ANXA10: variants seen among roughly 807,000 people sequenced by gnomAD.
ANXA10 encodes annexin A10.
In ANXA10, 49 loss-of-function variants were observed where a neutral mutation model predicts 53.5. The ratio of observed to expected loss-of-function variants is 0.92; its 90% confidence interval spans 0.73 to 1.16. ANXA10 has a LOEUF of 1.16. ANXA10 is among the 50% of genes most tolerant of loss of function. The pLI, the probability that ANXA10 is intolerant of heterozygous loss-of-function variation, is 0.00. For synonymous variants in ANXA10, 131 were observed against 128.9 expected (o/e 1.02, Z -0.11); for missense variants, 393 against 394.4 (o/e 1.00, Z 0.03).
At chr4:168,182,617 G>A (rs1732275784) in intron 10 of ANXA10, among the ~76,000 whole-genome samples, 2 of 150,348 alleles carry the variant, frequency 1.3e-5, no homozygotes, top group South Asian at 2.1e-4. Flanking sequence ...ACAGGCGTGA[G>A]CCACCGCGCC....
At chr4:168,119,993 C>T (rs1730958986) in intron 1 of ANXA10, among the ~76,000 whole-genome samples, 1 of 151,920 alleles carries the variant, frequency 6.6e-6, no homozygotes, top group Admixed American at 6.6e-5. Flanking sequence ...TTTTCATTTA[C>T]AAAACGGGGA....
intron 2 of ANXA10, among the ~76,000 whole-genome samples, chr4:168,137,892 A>G (rs912124268): frequency 6.6e-6 from 1 of 151,662 alleles, no homozygotes; most frequent in Non-Finnish European, 1.5e-5. Context: ...ATACTAATTT[A>G]CATTTCCACC....
At chr4:168,176,467 T>C (rs1056124098) in intron 6 of ANXA10, among the ~76,000 whole-genome samples, 1 of 152,276 alleles carries the variant, frequency 6.6e-6, no homozygotes, top group South Asian at 2.1e-4. Flanking sequence ...GTCTATCCTG[T>C]AGCCCTTGGC....
chr4:168,167,551 T>G (rs1400632661), intron 6 of ANXA10, among the ~76,000 whole-genome samples: 1 of 152,198 alleles, frequency 6.6e-6, no homozygotes, highest in African/African-American at 2.4e-5. Flanking sequence ...TTGTACCACT[T>G]TCATAGCAGC....
At chr4:168,178,293 G>A in intron 8 of ANXA10, 1 of 312,110 alleles carries the variant, frequency 3.2e-6, no homozygotes, top group Non-Finnish European at 6.1e-6. Context: ...ATGTTGTCTT[G>A]CAAAATGCAT....
intron 1 of ANXA10, among the ~76,000 whole-genome samples, chr4:168,117,049 A>G (rs1730906107): frequency 6.6e-6 from 1 of 151,582 alleles, no homozygotes; most frequent in Admixed American, 6.6e-5. Context: ...TCTGTATCTC[A>G]TTAGTCTTAG....
intron 6 of ANXA10, among the ~76,000 whole-genome samples, chr4:168,167,809 G>C (rs780438870): frequency 7.2e-5 from 11 of 151,786 alleles, no homozygotes; most frequent in Admixed American, 6.6e-4. Context: ...TTATTTTCAC[G>C]ACTCAAAAAC....
At chr4:168,099,830 T>C (rs1454546555) in intron 1 of ANXA10, among the ~76,000 whole-genome samples, 6 of 152,154 alleles carry the variant, frequency 3.9e-5, no homozygotes, top group Non-Finnish European at 8.8e-5. Context: ...AATGTTATTT[T>C]AGTCATTTGG....
At chr4:168,153,742 G>A (rs988624234) in intron 3 of ANXA10, among the ~76,000 whole-genome samples, 3 of 152,086 alleles carry the variant, frequency 2.0e-5, no homozygotes, top group East Asian at 1.9e-4. Context: ...TCAACTCTGC[G>A]AGGCAGATGC....
At chr4:168,115,497 GCACACACACACACACACA>G (rs67627035) in intron 1 of ANXA10, among the ~76,000 whole-genome samples, 26 of 136,528 alleles carry the variant, frequency 1.9e-4, no homozygotes, top group African/African-American at 6.0e-4. Context: ...CAATACACAC[GCACACACACACACACACA>G]CACACACACA....
At chr4:168,178,137 C>T in intron 8 of ANXA10, 154 bp downstream of exon 8, 2 of 642,916 alleles carry the variant, frequency 3.1e-6, no homozygotes, top group Non-Finnish European at 2.6e-6. Context: ...ATAAGATGTG[C>T]CTTATTTAAT....
intron 1 of ANXA10, among the ~76,000 whole-genome samples, chr4:168,113,800 A>G (rs1730847805): frequency 6.6e-6 from 1 of 152,204 alleles, no homozygotes; most frequent in Non-Finnish European, 1.5e-5. Context: ...TGATTTTTGA[A>G]CACTTATTCA....
At chr4:168,162,163 T>C (rs1375402321) in intron 3 of ANXA10, among the ~76,000 whole-genome samples, 1 of 152,116 alleles carries the variant, frequency 6.6e-6, no homozygotes. Flanking sequence ...CTTTAAGGAG[T>C]AATGTTTCAG....
Position 168,106,782 on chromosome 4 carries a change from A to G in ANXA10, c.18+14064A>G, listed in dbSNP as rs1456575895. ...GCTTTATTTTTTACAATGTCCAGAG[A>G]AAGTAATTATCAGATGTTTTCTGGT... On this transcript the variant is annotated intron_variant, in intron 1 of 11. Transcript: ENST00000359299. 2.0e-5 allele frequency among the ~76,000 whole-genome samples: 3 copies of G among 152,158 alleles called. No homozygotes were observed. In the East Asian group the frequency reaches 5.8e-4, roughly 29 times the overall value.
Position 168,166,304 on chromosome 4 carries a change from C to T in ANXA10, c.480+978C>T, listed in dbSNP as rs1478880524. On this transcript the variant is annotated intron_variant, in intron 6 of 11. Transcript: ENST00000359299. The stretch of plus-strand genomic sequence containing the variant: ...GGTGTTATATATTACCAAAAAGGAA[C>T]ACTACTTCAAGTTAAAAATAGATTT... Among the ~76,000 whole-genome samples the T allele has an allele frequency of 2.0e-5, 3 of 152,084 alleles. No homozygotes were observed. The East Asian group carries it at 5.8e-4, about 29-fold the overall frequency.
chr4:168,160,130 G>A (rs971814397), intron 3 of ANXA10, among the ~76,000 whole-genome samples: 4 of 152,064 alleles, frequency 2.6e-5, no homozygotes, highest in African/African-American at 9.7e-5. Flanking sequence ...ATGTGCCATG[G>A]TGGTTTGTTG....
chr4:168,140,786 T>C (rs2149472339), intron 3 of ANXA10, among the ~76,000 whole-genome samples: 1 of 152,160 alleles, frequency 6.6e-6, no homozygotes, highest in South Asian at 2.1e-4. Context: ...GCCCAGCTAA[T>C]TTTTTGTATT....
intron 1 of ANXA10, among the ~76,000 whole-genome samples, chr4:168,126,811 AATC>A (rs1173558258): frequency 1.3e-5 from 2 of 152,168 alleles, no homozygotes; most frequent in Admixed American, 1.3e-4. Context: ...GACATATCAC[AATC>A]ATCATGTTTT....
Position 168,130,876 on chromosome 4 carries a change from C to T in ANXA10, c.100+2711C>T, listed in dbSNP as rs530194129. 1.2e-3 allele frequency among the ~76,000 whole-genome samples: 186 copies of T among 151,494 alleles called. 1 individual carries two copies. The highest frequency in any genetic ancestry group is 2.1e-3 in the Non-Finnish European group (145 of 67,686). On this transcript the variant is annotated intron_variant, in intron 2 of 11. Transcript: ENST00000359299. ...TCTCTGTCTCTCTCTCCCTCTCTTGCTTTCTCTCTCTTTCCTTAACCTAGC... is the reference window on the plus strand; with the variant it reads ...TCTCTGTCTCTCTCTCCCTCTCTTGTTTTCTCTCTCTTTCCTTAACCTAGC...
Sources: gnomAD v4.1 joint callset for allele counts (sites outside exome capture counted in the v4.1 genomes callset) on GRCh38, gnomAD v4.1.1 for gene constraint, MANE v1.5 for transcripts, NCBI Gene and HGNC (gene_info 2026-07-23, HGNC 2026-07-21) for gene names.